Variants in LYPLAL1 observed in about 807,000 individuals in gnomAD.
LYPLAL1 encodes lysophospholipase-like protein 1.
In LYPLAL1, 23 loss-of-function variants were observed where a neutral mutation model predicts 19.7. The observed-to-expected ratio is 1.17, with a 90% CI of 0.84 to 1.65. LYPLAL1 has a LOEUF of 1.65. LYPLAL1 is among the 40% of genes most tolerant of loss of function. The pLI, the probability that LYPLAL1 is intolerant of heterozygous loss-of-function variation, is 0.00. For missense variants in LYPLAL1, 355 were observed against 279.4 expected, an observed-to-expected ratio of 1.27 and a Z score of -1.93; for synonymous variants, 119 against 96.3, an observed-to-expected ratio of 1.24 and a Z score of -1.38.
the LYPLAL1 span, among the ~76,000 whole-genome samples, chr1:219,304,251 G>A: frequency 6.6e-6 from 1 of 152,034 alleles, no homozygotes; most frequent in East Asian, 1.9e-4. Flanking sequence ...ATATATTTGT[G>A]GTACCCACTA....
At chr1:219,278,678 A>AAACAACAACAACAAC in the LYPLAL1 span, among the ~76,000 whole-genome samples, 1,276 of 150,726 alleles carry the variant, frequency 8.5e-3, 17 homozygotes, top group African/African-American at 0.026. Flanking sequence ...AAAAATCACT[A>AAACAACAACAACAAC]AACAACAACA....
the LYPLAL1 span, among the ~76,000 whole-genome samples, chr1:219,256,474 T>TTC: frequency 6.6e-6 from 1 of 151,532 alleles, no homozygotes; most frequent in East Asian, 1.9e-4. Flanking sequence ...CTTTCTTCCT[T>TTC]TCTCTCTCTC....
chr1:219,194,839 C>A (rs779914471), intron 3 of LYPLAL1, among the ~76,000 whole-genome samples: 1 of 151,992 alleles, frequency 6.6e-6, no homozygotes, highest in Non-Finnish European at 1.5e-5. Flanking sequence ...TTAACTATTA[C>A]AGTGTAGAAG....
chr1:219,341,314 T>C, the LYPLAL1 span, among the ~76,000 whole-genome samples: 3 of 152,242 alleles, frequency 2.0e-5, no homozygotes, highest in South Asian at 6.2e-4. Context: ...TTTAACAATA[T>C]ATTATGCTAG....
At chr1:219,443,191 T>C in the LYPLAL1 span, among the ~76,000 whole-genome samples, 2 of 152,210 alleles carry the variant, frequency 1.3e-5, no homozygotes, top group African/African-American at 4.8e-5. Flanking sequence ...ATGAGGTATT[T>C]TGCAGGTACT....
the LYPLAL1 span, among the ~76,000 whole-genome samples, chr1:219,252,466 G>A: frequency 1.6e-4 from 24 of 152,116 alleles, no homozygotes; most frequent in Non-Finnish European, 2.9e-4. Flanking sequence ...TCGATACCTA[G>A]TTTATTGAGA....
the LYPLAL1 span, among the ~76,000 whole-genome samples, chr1:219,374,847 C>T: frequency 6.6e-6 from 1 of 152,186 alleles, no homozygotes; most frequent in Non-Finnish European, 1.5e-5. Flanking sequence ...CATGACTTCA[C>T]CCTGAGCTCT....
chr1:219,335,111 A>G, the LYPLAL1 span, among the ~76,000 whole-genome samples: 2 of 151,902 alleles, frequency 1.3e-5, no homozygotes, highest in Non-Finnish European at 2.9e-5. Flanking sequence ...ATCCAACTAC[A>G]TTTTTACATT....
chr1:219,200,898 T>C (rs1166031677), intron 3 of LYPLAL1, among the ~76,000 whole-genome samples: 1 of 152,232 alleles, frequency 6.6e-6, no homozygotes, highest in African/African-American at 2.4e-5. Context: ...TCCACTAACC[T>C]GGAATCTCTG....
chr1:219,430,190 A>T, the LYPLAL1 span, among the ~76,000 whole-genome samples: 3 of 147,320 alleles, frequency 2.0e-5, no homozygotes, highest in East Asian at 6.2e-4. Flanking sequence ...GCTACTCCAG[A>T]GGCTGAGGTG....
chr1:219,424,893 T>C, the LYPLAL1 span, among the ~76,000 whole-genome samples: 1 of 152,338 alleles, frequency 6.6e-6, no homozygotes, highest in East Asian at 1.9e-4. Flanking sequence ...AATAAAAATA[T>C]AGCTAACATG....
the LYPLAL1 span, among the ~76,000 whole-genome samples, chr1:219,219,712 TTGTG>T: frequency 9.9e-5 from 15 of 151,370 alleles, no homozygotes; most frequent in African/African-American, 2.7e-4. Flanking sequence ...GGGTTCATGT[TTGTG>T]TGTGTGTGTG....
chr1:219,251,902 A>G, the LYPLAL1 span, among the ~76,000 whole-genome samples: 1 of 152,132 alleles, frequency 6.6e-6, no homozygotes, highest in South Asian at 2.1e-4. Context: ...GATTTTTCCT[A>G]TCCATGAGCA....
chr1:219,305,884 A>G, the LYPLAL1 span, among the ~76,000 whole-genome samples: 1 of 152,312 alleles, frequency 6.6e-6, no homozygotes, highest in South Asian at 2.1e-4. Context: ...TCTGAACTAC[A>G]ATACTTCCAT....
the LYPLAL1 span, among the ~76,000 whole-genome samples, chr1:219,279,945 G>T: frequency 6.6e-6 from 1 of 152,090 alleles, no homozygotes; most frequent in Admixed American, 6.6e-5. Context: ...TGGGGTAGAA[G>T]AAATTACAAA....
At chr1:219,316,351 TA>T in the LYPLAL1 span, among the ~76,000 whole-genome samples, 6 of 152,190 alleles carry the variant, frequency 3.9e-5, no homozygotes, top group Admixed American at 2.0e-4. Flanking sequence ...GGTTTGCTAA[TA>T]TTTTGTTAAA....
downstream of LYPLAL1, among the ~76,000 whole-genome samples, chr1:219,213,627 G>T (rs1659184521): frequency 6.6e-6 from 1 of 151,806 alleles, no homozygotes; most frequent in East Asian, 1.9e-4. Flanking sequence ...TATAAGTTCT[G>T]TACCTATTTT....
At chr1:219,340,256 T>G in the LYPLAL1 span, among the ~76,000 whole-genome samples, 1 of 152,078 alleles carries the variant, frequency 6.6e-6, no homozygotes, top group Admixed American at 6.6e-5. Context: ...CTGGGGCAGC[T>G]TTAGTAGCTC....
At chr1:219,245,044 TCTTTC>T in the LYPLAL1 span, among the ~76,000 whole-genome samples, 2 of 150,640 alleles carry the variant, frequency 1.3e-5, no homozygotes, top group African/African-American at 2.4e-5. Flanking sequence ...TTTTTCCTTC[TCTTTC>T]CTTTTCTTTC....
Sources: allele counts gnomAD v4.1 joint callset (sites outside exome capture counted in the v4.1 genomes callset), GRCh38; gene constraint gnomAD v4.1.1; transcripts MANE v1.5; gene names NCBI Gene and HGNC (gene_info 2026-07-23, HGNC 2026-07-21).